Variants in TRIO observed in about 807,000 individuals in gnomAD.
TRIO encodes the protein triple functional domain protein.
Under a neutral mutation model 351.9 loss-of-function variants are expected in TRIO, and 58 were observed. The ratio of observed to expected loss-of-function variants is 0.16; its 90% CI spans 0.13 to 0.21. TRIO has a LOEUF of 0.21. Ranked by LOEUF, TRIO falls within the 10% of genes least tolerant of loss-of-function variation. The pLI, the probability that TRIO is intolerant of heterozygous loss-of-function variation, is 1.00. For missense variants in TRIO, 3,201 were observed against 4,027.8 expected (o/e 0.79, Z 5.56); for synonymous variants, 1,758 against 1,595.7 (o/e 1.10, Z -2.42).
In TRIO at chr5:14,487,528, GGGCAGCGGCGGGGGTGGGGGCAGCGGC is replaced by G; in HGVS notation, c.6904_6930del (p.Ser2302_Gly2310del). On this transcript the variant is annotated inframe_deletion, in exon 48 of 57. Transcript: ENST00000344204. ...GGGGCGGCGGCGGCGGCGGCAGCGG[GGGCAGCGGCGGGGGTGGGGGCAGCGGC>G]GGCGGCGGGGCCCCCAGTGGCGGCA... is the stretch of plus-strand genomic sequence containing the variant. The G allele has an allele frequency of 9.5e-7, 1 of 1,048,880 alleles. No individual in the cohort carries two copies. Among genetic ancestry groups the G allele is most frequent in the Non-Finnish European group, 1.2e-6 (1 of 861,976 alleles). 65.0% of individuals were successfully genotyped at this position (1,048,880 alleles called of 1,614,324 possible).
chr5:14,328,516 G>T (rs1036179204), intron 9 of TRIO, among the ~76,000 whole-genome samples: 1 of 152,208 alleles, frequency 6.6e-6, no homozygotes. Context: ...CGCTCAATAC[G>T]CCAGTTAAAA....
chr5:14,489,245 T>C (rs1425679095), intron 48 of TRIO: 3 of 516,114 alleles, frequency 5.8e-6, no homozygotes, highest in East Asian at 3.1e-5. Flanking sequence ...CTTGGTCTTA[T>C]CCTTTCCTAC....
At chr5:14,237,386 A>C (rs1226775587) in intron 1 of TRIO, among the ~76,000 whole-genome samples, 1 of 152,200 alleles carries the variant, frequency 6.6e-6, no homozygotes, top group Admixed American at 6.5e-5. Context: ...TACAGTGATG[A>C]AGAAATACAG....
intron 36 of TRIO, among the ~76,000 whole-genome samples, chr5:14,464,408 C>T (rs1201624132): frequency 6.6e-6 from 1 of 152,122 alleles, no homozygotes; most frequent in East Asian, 1.9e-4. Flanking sequence ...AGCAGTTCTT[C>T]ATTTACAAAA....
At chr5:14,347,521 A>G (rs866570725) in intron 11 of TRIO, among the ~76,000 whole-genome samples, 2 of 152,268 alleles carry the variant, frequency 1.3e-5, no homozygotes, top group Admixed American at 6.5e-5. Context: ...TGTATGTGAC[A>G]TCTGGAGAGA....
At chr5:14,283,187 G>A (rs746366648) in intron 3 of TRIO, among the ~76,000 whole-genome samples, 1 of 152,192 alleles carries the variant, frequency 6.6e-6, no homozygotes, top group Non-Finnish European at 1.5e-5. Flanking sequence ...AAGTCTGATG[G>A]TTTGTTGTAG....
intron 53 of TRIO, among the ~76,000 whole-genome samples, chr5:14,499,342 C>T (rs887201422): frequency 3.3e-5 from 5 of 152,238 alleles, no homozygotes; most frequent in Admixed American, 1.3e-4. Flanking sequence ...TCTTTCAAAA[C>T]GTCCTGTAGT....
At chr5:14,423,696 C>A (rs1349375670) in intron 34 of TRIO, among the ~76,000 whole-genome samples, 4 of 152,158 alleles carry the variant, frequency 2.6e-5, no homozygotes, top group Non-Finnish European at 5.9e-5. Context: ...GAGCGTCTCT[C>A]ACTCTCTGCC....
Position 14,405,834 on chromosome 5 carries a change from A to G in TRIO, c.4717-14A>G. ...GCCGTTCCGTATCCTAAGCAACGCTAACACCTTGTTAAGGCTTCCAGCATA... is the reference window on the plus strand; with the variant it reads ...GCCGTTCCGTATCCTAAGCAACGCTGACACCTTGTTAAGGCTTCCAGCATA... On this transcript the variant is annotated splice_polypyrimidine_tract_variant and intron_variant, in intron 31 of 56. Coordinates refer to ENST00000344204, the MANE Select transcript of TRIO (RefSeq NM_007118.4). The G allele has an allele frequency of 6.2e-7, 1 of 1,613,174 alleles. No homozygotes were observed. The highest frequency in any genetic ancestry group is 8.5e-7 in the Non-Finnish European group (1 of 1,179,228).
At chr5:14,504,372 T>TC (rs747272648) in intron 54 of TRIO, 21 bp from the exon 55 acceptor site, 15 of 1,612,930 alleles carry the variant, frequency 9.3e-6, no homozygotes, top group Middle Eastern at 1.6e-4. Context: ...CTGCAAATGG[T>TC]CCCCCTGACA....
At chr5:14,363,953 C>G (rs1744375542) in intron 14 of TRIO, 26 bp downstream of exon 14, 8 of 1,588,322 alleles carry the variant, frequency 5.0e-6, no homozygotes, top group Non-Finnish European at 6.9e-6. Context: ...CCATCTGTGT[C>G]CGTTGTGATT....
intron 28 of TRIO, among the ~76,000 whole-genome samples, chr5:14,395,873 G>A (rs781509627): frequency 2.0e-5 from 3 of 151,918 alleles, no homozygotes; most frequent in East Asian, 1.9e-4. Flanking sequence ...GTGAAACCCC[G>A]TCTCTACTAA....
At chr5:14,483,115 A>G (rs1394318069) in intron 46 of TRIO, among the ~76,000 whole-genome samples, 1 of 152,188 alleles carries the variant, frequency 6.6e-6, no homozygotes, top group African/African-American at 2.4e-5. Flanking sequence ...GATCAGAGAA[A>G]AAGTTCACTC....
chr5:14,482,220 G>A (rs567922039), intron 45 of TRIO, among the ~76,000 whole-genome samples: 2 of 152,068 alleles, frequency 1.3e-5, no homozygotes, highest in South Asian at 4.2e-4. Context: ...CGCACACACA[G>A]AGGCCGTTGG....
intron 1 of TRIO, among the ~76,000 whole-genome samples, chr5:14,214,779 G>A (rs1792121122): frequency 6.6e-6 from 1 of 152,200 alleles, no homozygotes; most frequent in African/African-American, 2.4e-5. Context: ...ATCAGTCAGT[G>A]TACGTGTGTA....
chr5:14,293,362 T>G lies in TRIO; in HGVS notation c.1176+228T>G, dbSNP rs559447061. ...AAGCAAACAGACGAACCAGTGAAAC[T>G]TGAACCAATGACTTGGCTAGTTCAG... On this transcript the variant is annotated intron_variant, in intron 6 of 56. Transcript: ENST00000344204. 9.3e-4 allele frequency among the ~76,000 whole-genome samples: 142 copies of G among 152,310 alleles called. 1 individual carries two copies. Among genetic ancestry groups the G allele is most frequent in the African/African-American group, 3.3e-3 (137 of 41,552 alleles).
intron 1 of TRIO, among the ~76,000 whole-genome samples, chr5:14,252,336 C>A (rs1447728976): frequency 5.9e-5 from 9 of 152,222 alleles, no homozygotes; most frequent in African/African-American, 2.2e-4. Context: ...ACTAGACTTC[C>A]TGCCTGCAGG....
chr5:14,297,886 C>T lies in TRIO; in HGVS notation c.1368+623C>T, dbSNP rs535529247. Among the ~76,000 whole-genome samples, 13 of 152,306 alleles carry T rather than the reference C, an allele frequency of 8.5e-5. No individual in the cohort carries two copies. The South Asian group carries it at 1.2e-3, about 15-fold the overall frequency. On this transcript the variant is annotated intron_variant, in intron 7 of 56. Coordinates refer to ENST00000344204, the MANE Select transcript of TRIO (RefSeq NM_007118.4). ...CTCCTCAGCCACAGTGCTCACCCTC[C>T]GCAGGGATGGCTGTAGCTGTCTTTG...
intron 1 of TRIO, among the ~76,000 whole-genome samples, chr5:14,163,508 A>G (rs1180822758): frequency 6.6e-6 from 1 of 152,188 alleles, no homozygotes; most frequent in Admixed American, 6.5e-5. Flanking sequence ...CTGGCCAACT[A>G]AAGGGTATTT....
Sources: gnomAD v4.1 joint callset for allele counts (sites outside exome capture counted in the v4.1 genomes callset) on GRCh38, gnomAD v4.1.1 for gene constraint, MANE v1.5 for transcripts, NCBI Gene and HGNC (gene_info 2026-07-23, HGNC 2026-07-21) for gene names.